The following SMARCD3 variants were observed in gnomAD, a reference collection of about 807,000 sequenced individuals.
SMARCD3 encodes the protein SWI/SNF related BAF chromatin remodeling complex subunit D3.
In SMARCD3, 14 loss-of-function variants were observed where a neutral mutation model predicts 58.0. The ratio of observed to expected loss-of-function variants is 0.24; its 90% CI spans 0.16 to 0.38. SMARCD3 has a LOEUF of 0.38. SMARCD3 is among the 10% of genes least tolerant of loss of function. The pLI is 1.00. For missense variants in SMARCD3, 408 were observed against 636.9 expected (o/e 0.64, Z 3.87); for synonymous variants, 253 against 253.8 (o/e 1.00, Z 0.03).
In SMARCD3 at chr7:151,239,561, G is replaced by A. The variant is rs1350766989; in HGVS notation, c.1296+63C>T. On this transcript the variant is annotated intron_variant, in intron 11 of 12. Coordinates refer to ENST00000262188, the MANE Select transcript of SMARCD3 (RefSeq NM_001003801.2). The surrounding 1 kb of genome is among the most constrained non-coding windows in gnomAD (Gnocchi z 7.0). Reference sequence around the variant, plus strand: ...CCCTCACCTGCCCCTGGAGTACAACGTTTACTCTCTTTCCCGCTGTGCTTG... The same window carrying A: ...CCCTCACCTGCCCCTGGAGTACAACATTTACTCTCTTTCCCGCTGTGCTTG... 8 of 1,611,438 alleles carry A rather than the reference G, an allele frequency of 5.0e-6. No individual in the cohort carries two copies. The highest frequency in any genetic ancestry group is 3.3e-5 in the South Asian group (3 of 91,024).
At position 151,239,253 on chromosome 7, in the gene SMARCD3, G is replaced by A; in HGVS notation, c.1399-97C>T. The A allele has an allele frequency of 4.2e-6, 6 of 1,415,398 alleles. No homozygotes were observed. Among genetic ancestry groups the A allele is most frequent in the Admixed American group, 1.7e-5 (1 of 59,550 alleles). 87.7% of individuals were successfully genotyped at this position (1,415,398 alleles called of 1,614,324 possible). A position where few individuals can be genotyped will look rare whatever the true frequency, so the allele number is the denominator to read the frequency against. On this transcript the variant is annotated intron_variant, in intron 12 of 12. Coordinates refer to ENST00000262188, the MANE Select transcript of SMARCD3 (RefSeq NM_001003801.2). This position sits in a 1 kb window ranked among gnomAD's most constrained non-coding sequence, Gnocchi z 7.0. ...CACCGCCTGCCCTGAAAGAGCATCT[G>A]GGAGCAGGGAGGGCCATTGCATGGT...
intron 2 of SMARCD3, among the ~76,000 whole-genome samples, chr7:151,260,776 G>C (rs900031407): frequency 1.3e-5 from 2 of 152,172 alleles, no homozygotes; most frequent in African/African-American, 4.8e-5. Context: ...GATCCAACTG[G>C]CCCTTAAGAG....
chr7:151,251,203 G>A (rs1803497897), upstream of SMARCD3, among the ~76,000 whole-genome samples: 1 of 152,148 alleles, frequency 6.6e-6, no homozygotes, highest in Non-Finnish European at 1.5e-5. Context: ...CCCCTGTGGA[G>A]GAGCTGGTGA....
Position 151,239,460 on chromosome 7 carries a change from C to T in SMARCD3, c.1334G>A (p.Arg445His), listed in dbSNP as rs903282679. 4 of 1,613,814 alleles carry T rather than the reference C, an allele frequency of 2.5e-6. No individual in the cohort carries two copies. The highest frequency in any genetic ancestry group is 1.1e-5 in the South Asian group (1 of 91,086). Residue 445 changes from arginine to histidine, a missense_variant, in exon 12 of 13, where the codon CGC becomes CAC. This residue lies in a region of SMARCD3 where 81 missense variants were observed against 109.7 expected (regional missense o/e 0.74). Transcript: ENST00000262188. This position sits in a 1 kb window ranked among gnomAD's most constrained non-coding sequence, Gnocchi z 7.0. ...TDVAGNPEEERRAEFYHQPWS... is the reference protein window; with the variant it reads ...TDVAGNPEEEHRAEFYHQPWS... ...GGGCTGGTGGTAGAACTCAGCCCGGCGCTCCTCTTCAGGGTTGCCGGCTAC... is the reference window on the plus strand; with the variant it reads ...GGGCTGGTGGTAGAACTCAGCCCGGTGCTCCTCTTCAGGGTTGCCGGCTAC...
Position 151,245,277 on chromosome 7 carries a change from A to C in SMARCD3, c.290+183T>G, listed in dbSNP as rs1463837476. Among the ~76,000 whole-genome samples, 1 of 152,186 alleles carries C rather than the reference A, an allele frequency of 6.6e-6. No homozygotes were observed. The highest frequency in any genetic ancestry group is 1.5e-5 in the Non-Finnish European group (1 of 68,018). On this transcript the variant is annotated intron_variant, in intron 2 of 12. Transcript: ENST00000262188. The surrounding 1 kb of genome is among the most constrained non-coding windows in gnomAD (Gnocchi z 6.2). ...CAGCCTGTCTCTACCGTGGGCACAC[A>C]AAAGAATCAGGCCGGTGCCCCCTAA...
At chr7:151,272,949 C>T (rs1298326241) in intron 2 of SMARCD3, among the ~76,000 whole-genome samples, 1 of 152,198 alleles carries the variant, frequency 6.6e-6, no homozygotes, top group African/African-American at 2.4e-5. Context: ...CTCCCAGTGA[C>T]ACCTCTAGCT....
chr7:151,276,201 G>C (rs1160692387), intron 1 of SMARCD3, among the ~76,000 whole-genome samples: 1 of 151,760 alleles, frequency 6.6e-6, no homozygotes, highest in Non-Finnish European at 1.5e-5. Context: ...GAATAGGAGA[G>C]GGGTATCCAG....
In SMARCD3 at chr7:151,245,607, G is replaced by C; in HGVS notation, c.143C>G (p.Ser48Cys). Residue 48 changes from serine to cysteine, a missense_variant, in exon 2 of 13, where the codon TCC becomes TGC. Coordinates refer to ENST00000262188, the MANE Select transcript of SMARCD3 (RefSeq NM_001003801.2). This position sits in a 1 kb window ranked among gnomAD's most constrained non-coding sequence, Gnocchi z 6.2. Reference protein sequence around the residue: ...HQGAPMGPPGSPYMGSPAVRP... With the variant: ...HQGAPMGPPGCPYMGSPAVRP... ...CACGGCGGGGCTGCCCATGTACGGG[G>C]AGCCCGGGGGGCCCATGGGCGCCCC... 8.5e-7 allele frequency: 1 copy of C among 1,178,468 alleles called. No homozygotes were observed. The highest frequency in any genetic ancestry group is 1.1e-6 in the Non-Finnish European group (1 of 939,936). The allele number at this position is 1,178,468 out of a possible 1,614,324, so 73.0% of individuals were successfully genotyped here.
At position 151,241,631 on chromosome 7, in the gene SMARCD3, G is replaced by C. The variant is rs1802990980; in HGVS notation, c.800C>G (p.Pro267Arg). 1 of 1,611,412 alleles carries C rather than the reference G, an allele frequency of 6.2e-7. No homozygotes were observed. The highest frequency in any genetic ancestry group is 1.3e-5 in the African/African-American group (1 of 74,888). Residue 267 changes from proline to arginine, a missense_variant, in exon 8 of 13, where the codon CCC becomes CGC. Physicochemically the swap from Pro to Arg is moderately radical, Grantham distance 103. This residue lies in a region of SMARCD3 where 115 missense variants were observed against 257.2 expected (regional missense o/e 0.45). Coordinates refer to ENST00000262188, the MANE Select transcript of SMARCD3 (RefSeq NM_001003801.2). The surrounding 1 kb of genome is among the most constrained non-coding windows in gnomAD (Gnocchi z 5.3). ...DYQPPQFKLD[P>R]RLARLLGLHT... ...CAGCCCCAGCAGCCGGGCTAGGCGG[G>C]GATCCAGTTTGAACTGGGGAGGCTG...
intron 9 of SMARCD3, 37 bp from the exon 10 acceptor site, chr7:151,240,284 C>T (rs774396146): frequency 6.8e-7 from 1 of 1,461,894 alleles, no homozygotes; most frequent in African/African-American, 3.0e-5. Context: ...TCCACGATGC[C>T]CCCATACGGC....
Position 151,243,784 on chromosome 7 carries a change from A to C in SMARCD3, c.291-83T>G. The C allele has an allele frequency of 2.1e-6, 2 of 947,250 alleles. No homozygotes were observed. Among genetic ancestry groups the C allele is most frequent in the Non-Finnish European group, 3.5e-6 (2 of 572,932 alleles). 58.7% of individuals were successfully genotyped at this position (947,250 alleles called of 1,614,324 possible). A position where few individuals can be genotyped will look rare whatever the true frequency, so the allele number is the denominator to read the frequency against. On this transcript the variant is annotated intron_variant, in intron 2 of 12. Transcript: ENST00000262188. This position sits in a 1 kb window ranked among gnomAD's most constrained non-coding sequence, Gnocchi z 4.4. ...AGGCCACCTGCTAGATTATCCCGACATCTCCGCCCGCCTGGCTGGGGTTCC... is the reference window on the plus strand; with the variant it reads ...AGGCCACCTGCTAGATTATCCCGACCTCTCCGCCCGCCTGGCTGGGGTTCC...
chr7:151,264,997 C>T (rs1804038664), intron 2 of SMARCD3, among the ~76,000 whole-genome samples: 1 of 152,178 alleles, frequency 6.6e-6, no homozygotes, highest in African/African-American at 2.4e-5. Context: ...GGGGATAGCC[C>T]AGGGTTTTGA....
At chr7:151,265,289 C>A (rs1275812583) in intron 2 of SMARCD3, among the ~76,000 whole-genome samples, 1 of 152,142 alleles carries the variant, frequency 6.6e-6, no homozygotes, top group African/African-American at 2.4e-5. Context: ...GAGACTTGCA[C>A]AGAGAGATGA....
intron 8 of SMARCD3, chr7:151,240,797 C>G: frequency 4.5e-6 from 2 of 444,656 alleles, no homozygotes; most frequent in Non-Finnish European, 8.2e-6. Flanking sequence ...ACTTACTATG[C>G]AACCTGGAGC....
rs1803361015 is a variant in SMARCD3, at chr7:151,248,120, T to TCCCCCC, written c.78+364_78+365insGGGGGG. On this transcript the variant is annotated intron_variant, in intron 1 of 12. Coordinates refer to ENST00000262188, the MANE Select transcript of SMARCD3 (RefSeq NM_001003801.2). This position sits in a 1 kb window ranked among gnomAD's most constrained non-coding sequence, Gnocchi z 6.1. The stretch of plus-strand genomic sequence containing the variant: ...CAGCCCAGCCTCTGCCATGTCCCCA[T>TCCCCCC]CCCCCACCCCCACCCCCAGGGCAGG... Among the ~76,000 whole-genome samples the TCCCCCC allele has an allele frequency of 6.6e-6, 1 of 150,560 alleles. No individual in the cohort carries two copies. The highest frequency in any genetic ancestry group is 1.5e-5 in the Non-Finnish European group (1 of 67,624).
intron 2 of SMARCD3, among the ~76,000 whole-genome samples, chr7:151,257,769 C>T (rs937773501): frequency 2.0e-5 from 3 of 152,162 alleles, no homozygotes; most frequent in Admixed American, 6.5e-5. Context: ...CATGCAGGAG[C>T]GCCAGGACTC....
Position 151,243,605 on chromosome 7 carries a change from G to T in SMARCD3, c.333+54C>A. The stretch of plus-strand genomic sequence containing the variant: ...TCTGCTTCTGAGGGGGGAGGGGAGG[G>T]CGGAGCAGCAAAGGGTGGGGGGTGG... On this transcript the variant is annotated intron_variant, in intron 3 of 12. Coordinates refer to ENST00000262188, the MANE Select transcript of SMARCD3 (RefSeq NM_001003801.2). This position sits in a 1 kb window ranked among gnomAD's most constrained non-coding sequence, Gnocchi z 4.4. 1 of 963,672 alleles carries T rather than the reference G, an allele frequency of 1.0e-6. No individual in the cohort carries two copies. The highest frequency in any genetic ancestry group is 1.7e-6 in the Non-Finnish European group (1 of 595,604). 59.7% of individuals were successfully genotyped at this position (963,672 alleles called of 1,614,324 possible). A position where few individuals can be genotyped will look rare whatever the true frequency, so the allele number is the denominator to read the frequency against.
At chr7:151,250,181 C>T (rs1803468184), upstream of SMARCD3, among the ~76,000 whole-genome samples, 1 of 152,116 alleles carries the variant, frequency 6.6e-6, no homozygotes, top group African/African-American at 2.4e-5. Context: ...GTGCTCTTGG[C>T]TGTCACTGTT....
intron 2 of SMARCD3, among the ~76,000 whole-genome samples, chr7:151,260,247 G>A (rs1164973269): frequency 1.3e-5 from 2 of 151,910 alleles, no homozygotes; most frequent in South Asian, 2.1e-4. Context: ...ACCAACACAC[G>A]CACCCCACCT....
Sources: gnomAD v4.1 joint callset for allele counts (sites outside exome capture counted in the v4.1 genomes callset) on GRCh38, gnomAD v4.1.1 for gene constraint, gnomAD v4.1.1 regional missense constraint, Gnocchi (gnomAD v3.1) non-coding constraint, MANE v1.5 for transcripts, NCBI Gene and HGNC (gene_info 2026-07-23, HGNC 2026-07-21) for gene names.